Variants in PIBF1 observed in about 807,000 individuals in gnomAD.
PIBF1 encodes the protein progesterone-induced-blocking factor 1.
Under a neutral mutation model 112.5 loss-of-function variants are expected in PIBF1, and 90 were observed. The observed-to-expected ratio is 0.80, with a 90% CI of 0.67 to 0.95. The LOEUF (loss-of-function observed/expected upper bound fraction) is 0.95. PIBF1 is among the 40% of genes least tolerant of loss of function. The pLI is 0.00. For synonymous variants in PIBF1, 301 were observed against 288.6 expected (o/e 1.04, Z -0.44); for missense variants, 915 against 852.3 (o/e 1.07, Z -0.92).
chr13:72,955,954 C>G (rs1328532644), intron 14 of PIBF1, among the ~76,000 whole-genome samples: 1 of 152,124 alleles, frequency 6.6e-6, no homozygotes, highest in Non-Finnish European at 1.5e-5. Context: ...TGCTTTGTGG[C>G]CAAATTTATA....
At chr13:72,917,224 G>A (rs918397492) in intron 13 of PIBF1, 58 bp downstream of exon 13, 2 of 1,033,176 alleles carry the variant, frequency 1.9e-6, no homozygotes, top group African/African-American at 1.7e-5. Flanking sequence ...AATTACATTT[G>A]TGCTTTCTGA....
At chr13:72,994,252 G>GT (rs2043576334) in intron 16 of PIBF1, among the ~76,000 whole-genome samples, 1 of 152,130 alleles carries the variant, frequency 6.6e-6, no homozygotes, top group South Asian at 2.1e-4. Flanking sequence ...AAAGCAGTCA[G>GT]TACAGAATTA....
chr13:72,973,665 A>G lies in PIBF1; in HGVS notation c.2039A>G (p.Asn680Ser), dbSNP rs1304007375. Reference protein sequence around the residue: ...QMALDLEQLLNHREELAAMKQ... With the variant: ...QMALDLEQLLSHREELAAMKQ... ...GCATTAGATTTAGAACAACTTCTAA[A>G]TCATCGTGAGGTATTTTTCCTATTT... Residue 680 changes from asparagine (N) to serine (S), a missense_variant, in exon 16 of 18, where the codon AAT (asparagine) becomes AGT (serine). By Grantham distance (46) the Asn-to-Ser change is conservative. Transcript: ENST00000326291. 9 of 1,549,840 alleles carry G rather than the reference A, an allele frequency of 5.8e-6. No individual in the cohort carries two copies. Among genetic ancestry groups the G allele is most frequent in the Non-Finnish European group, 8.0e-6 (9 of 1,131,114 alleles).
chr13:72,839,036 G>A (rs527342827), intron 9 of PIBF1, among the ~76,000 whole-genome samples: 54 of 152,232 alleles, frequency 3.5e-4, no homozygotes, highest in African/African-American at 1.3e-3. Flanking sequence ...TAAGACCTGT[G>A]GGGAACAATT....
At chr13:72,871,273 C>T (rs1304686441) in intron 10 of PIBF1, among the ~76,000 whole-genome samples, 1 of 152,004 alleles carries the variant, frequency 6.6e-6, no homozygotes, top group Non-Finnish European at 1.5e-5. Flanking sequence ...TGTTTCTAGT[C>T]AAGTGGTGTC....
chr13:72,876,949 T>A (rs930992815), intron 10 of PIBF1, among the ~76,000 whole-genome samples: 1 of 152,180 alleles, frequency 6.6e-6, no homozygotes, highest in Admixed American at 6.6e-5. Context: ...TCGAATATGA[T>A]GTTGAAAAGT....
At chr13:72,849,238 A>G (rs1209588985) in intron 9 of PIBF1, among the ~76,000 whole-genome samples, 1 of 152,212 alleles carries the variant, frequency 6.6e-6, no homozygotes, top group Non-Finnish European at 1.5e-5. Flanking sequence ...AACTTTATAC[A>G]AGTATTTTAA....
intron 16 of PIBF1, among the ~76,000 whole-genome samples, chr13:72,990,962 A>G (rs745769237): frequency 1.1e-4 from 16 of 152,224 alleles, no homozygotes; most frequent in Non-Finnish European, 1.8e-4. Context: ...TATATGACTT[A>G]CTAGTCACGA....
chr13:73,009,941 T>C (rs2044144565), intron 17 of PIBF1, among the ~76,000 whole-genome samples: 1 of 152,210 alleles, frequency 6.6e-6, no homozygotes, highest in Non-Finnish European at 1.5e-5. Context: ...AGTATTAAGA[T>C]TCCTTTTTAA....
chr13:72,828,267 C>CT lies in PIBF1; in HGVS notation c.1097+371dup, dbSNP rs780999187. Among the ~76,000 whole-genome samples the CT allele has an allele frequency of 6.2e-3, 766 of 123,654 alleles. 5 individuals carry two copies. The highest frequency in any genetic ancestry group is 0.012 in the African/African-American group (390 of 32,360). The allele number at this position is 123,654 out of a possible 152,430, so 81.1% of individuals were successfully genotyped here. On this transcript the variant is annotated intron_variant, in intron 8 of 17. Coordinates refer to ENST00000326291, the MANE Select transcript of PIBF1 (RefSeq NM_006346.4). Reference sequence around the variant, plus strand: ...TAAAAAATGAAGTGAGATATGTTTGCTTTTTTTTTTTTTTTTTTATAAATT... The same window carrying CT: ...TAAAAAATGAAGTGAGATATGTTTGCTTTTTTTTTTTTTTTTTTTATAAATT...
intron 17 of PIBF1, among the ~76,000 whole-genome samples, chr13:73,013,319 A>AG (rs1240100018): frequency 0.018 from 2,311 of 130,556 alleles, 149 homozygotes; most frequent in Non-Finnish European, 0.026. Flanking sequence ...AAAAAAAAAA[A>AG]AAAAAAAGAA....
chr13:72,958,057 G>A lies in PIBF1; in HGVS notation c.1834-7217G>A, dbSNP rs76196065. On this transcript the variant is annotated intron_variant, in intron 14 of 17. Transcript: ENST00000326291. ...CTGAAGTGGGAAAATCTCTTGAGCC[G>A]AGGAGTTTGAGGCTGAAATGCCACC... Among the ~76,000 whole-genome samples, 1,219 of 151,924 alleles carry A rather than the reference G, an allele frequency of 8.0e-3. 12 individuals carry two copies. The highest frequency in any genetic ancestry group is 0.028 in the African/African-American group (1,144 of 41,428).
intron 4 of PIBF1, 82 bp from the exon 5 acceptor site, chr13:72,797,825 C>A: frequency 2.0e-6 from 2 of 993,016 alleles, no homozygotes; most frequent in Non-Finnish European, 2.9e-6. Flanking sequence ...ATCTTTATTA[C>A]TGATAAGTGA....
At chr13:72,894,930 G>A (rs986644704) in intron 11 of PIBF1, among the ~76,000 whole-genome samples, 1 of 151,626 alleles carries the variant, frequency 6.6e-6, no homozygotes, top group Non-Finnish European at 1.5e-5. Context: ...TTCTAGACCA[G>A]CCTGGCCAAC....
chr13:72,889,916 A>T (rs145169871), intron 10 of PIBF1, among the ~76,000 whole-genome samples: 1 of 152,212 alleles, frequency 6.6e-6, no homozygotes, highest in African/African-American at 2.4e-5. Context: ...CAAGCCATGA[A>T]CATTTTGTGT....
At chr13:72,940,840 C>T (rs1175713171) in intron 14 of PIBF1, among the ~76,000 whole-genome samples, 1 of 152,176 alleles carries the variant, frequency 6.6e-6, no homozygotes, top group African/African-American at 2.4e-5. Context: ...CCCATGTTCA[C>T]TTCAGAGATT....
rs142852941 is a variant in PIBF1 at position 72,936,201 on chromosome 13, A to AT, written c.1833+4942dup. 6.0e-3 allele frequency among the ~76,000 whole-genome samples: 913 copies of AT among 151,574 alleles called. 29 individuals carry two copies. The East Asian group carries it at 0.095, about 16-fold the overall frequency. On this transcript the variant is annotated intron_variant, in intron 14 of 17. Coordinates refer to ENST00000326291, the MANE Select transcript of PIBF1 (RefSeq NM_006346.4). ...AGTTACCTGCAACCACACCTGGCTA[A>AT]TTTTTTTTATTTTTTTGTAGAGATG...
Position 72,795,342 on chromosome 13 carries a change from A to C in PIBF1, c.354-17A>C. On this transcript the variant is annotated splice_polypyrimidine_tract_variant and intron_variant, in intron 3 of 17. Transcript: ENST00000326291. ...AATACTTTTTTAAAGCCTGCCATAA[A>C]TTCTCTTCTAATGTAGCAAATATCA... 6.7e-7 allele frequency: 1 copy of C among 1,488,922 alleles called. No individual in the cohort carries two copies. Among genetic ancestry groups the C allele is most frequent in the Non-Finnish European group, 9.2e-7 (1 of 1,084,796 alleles). 92.2% of individuals were successfully genotyped at this position (1,488,922 alleles called of 1,614,324 possible).
rs1491281184 is a variant in PIBF1, at chr13:72,832,071, C to CT, written c.1098-3172_1098-3171insT. ...TCAGAGATTAGAATTGCAATTCCGG[C>CT]CTTTTTTTTTTTTTTTTTTTTTTTT... On this transcript the variant is annotated intron_variant, in intron 8 of 17. Transcript: ENST00000326291. Among the ~76,000 whole-genome samples the CT allele has an allele frequency of 3.2e-3, 188 of 59,466 alleles. 18 individuals carry two copies. Among genetic ancestry groups the CT allele is most frequent in the Non-Finnish European group, 4.6e-3 (141 of 30,402 alleles). The allele number at this position is 59,466 out of a possible 152,430, so 39.0% of individuals were successfully genotyped here.
Sources: allele counts gnomAD v4.1 joint callset (sites outside exome capture counted in the v4.1 genomes callset), GRCh38; gene constraint gnomAD v4.1.1; transcripts MANE v1.5; gene names NCBI Gene and HGNC (gene_info 2026-07-23, HGNC 2026-07-21).